COL28A1: variants seen among roughly 807,000 people sequenced by gnomAD.
COL28A1 encodes collagen alpha-1(XXVIII) chain.
COL28A1 carries 161 observed loss-of-function variants against 150.2 expected under a neutral mutation model. The observed-to-expected ratio is 1.07, with a 90% CI of 0.94 to 1.22. The LOEUF (loss-of-function observed/expected upper bound fraction) is 1.22. Among genes scored for constraint, COL28A1 ranks in the 50% most tolerant of loss-of-function variants. The pLI, the probability that COL28A1 is intolerant of heterozygous loss-of-function variation, is 0.00. For missense variants in COL28A1, 1,617 were observed against 1,388.3 expected, an observed-to-expected ratio of 1.16 and a Z score of -2.62; for synonymous variants, 552 against 469.7, an observed-to-expected ratio of 1.18 and a Z score of -2.26.
At chr7:7,416,278 A>T (rs764441609) in intron 27 of COL28A1, among the ~76,000 whole-genome samples, 3 of 152,192 alleles carry the variant, frequency 2.0e-5, no homozygotes, top group Non-Finnish European at 2.9e-5. Context: ...CCCAGGATGG[A>T]GTTTAGACAC....
intron 27 of COL28A1, among the ~76,000 whole-genome samples, chr7:7,395,323 C>A (rs886325152): frequency 1.3e-5 from 2 of 152,088 alleles, no homozygotes; most frequent in African/African-American, 4.8e-5. Context: ...AGCTGTGGTA[C>A]CTGAATGGGA....
chr7:7,514,672 C>T (rs2115165637), intron 8 of COL28A1, among the ~76,000 whole-genome samples: 1 of 152,266 alleles, frequency 6.6e-6, no homozygotes, highest in Admixed American at 6.5e-5. Flanking sequence ...AATATGTCTT[C>T]AAAAGGGATA....
Position 7,531,810 on chromosome 7 carries a change from G to T in COL28A1, c.219C>A (p.Ser73Arg). The change falls in exon 3 of 35, where the codon AGC (serine) becomes AGA (arginine). Residue 73 changes from serine to arginine, a missense_variant. Physicochemically the swap from Ser to Arg is moderately radical, Grantham distance 110. Transcript: ENST00000399429. ...LFDKQKDFVD[S>R]LSDKIFQLTP... ...TCAATTGGAAAATCTTGTCACTCAA[G>T]CTATCCACAAAATCTTTCTGTTTAT... 6.2e-7 allele frequency: 1 copy of T among 1,601,326 alleles called. No homozygotes were observed. The highest frequency in any genetic ancestry group is 8.6e-7 in the Non-Finnish European group (1 of 1,168,390).
intron 27 of COL28A1, among the ~76,000 whole-genome samples, chr7:7,413,075 TG>T (rs991439530): frequency 4.6e-5 from 7 of 152,216 alleles, no homozygotes; most frequent in African/African-American, 1.7e-4. Flanking sequence ...TCTCAGAGGT[TG>T]ATCTGTTAGG....
intron 21 of COL28A1, among the ~76,000 whole-genome samples, chr7:7,438,490 A>G (rs1785514135): frequency 6.6e-6 from 1 of 152,208 alleles, no homozygotes; most frequent in African/African-American, 2.4e-5. Context: ...CTGATTCAAT[A>G]GCTCTAGAGG....
At chr7:7,522,017 GCATTTCAAATTGTATTTCAAATA>G in intron 4 of COL28A1, 56 bp from the exon 5 acceptor site, 3 of 835,454 alleles carry the variant, frequency 3.6e-6, no homozygotes, top group South Asian at 1.3e-5. Flanking sequence ...ATTGTATGCA[GCATTTCAAATTGTATTTCAAATA>G]CATTTCAAAG....
chr7:7,477,220 G>C (rs537427236), intron 13 of COL28A1, 40 bp from the exon 14 acceptor site: 2 of 873,858 alleles, frequency 2.3e-6, no homozygotes, highest in Non-Finnish European at 4.0e-6. Flanking sequence ...GGAGGAGAGA[G>C]AAAAGGGAAA....
intron 3 of COL28A1, among the ~76,000 whole-genome samples, chr7:7,525,111 C>A (rs1781948556): frequency 6.6e-6 from 1 of 151,828 alleles, no homozygotes; most frequent in African/African-American, 2.4e-5. Context: ...TTATGAAAAA[C>A]AAAAAAACAA....
chr7:7,392,236 A>G (rs1277935831), intron 27 of COL28A1, among the ~76,000 whole-genome samples: 1 of 152,184 alleles, frequency 6.6e-6, no homozygotes, highest in African/African-American at 2.4e-5. Flanking sequence ...TTCACTTGTG[A>G]AGCTTAGTTT....
chr7:7,436,058 T>C (rs1199577962), intron 23 of COL28A1, among the ~76,000 whole-genome samples: 1 of 152,234 alleles, frequency 6.6e-6, no homozygotes. Flanking sequence ...ACACGCTTTT[T>C]TGGACAATGT....
intron 25 of COL28A1, among the ~76,000 whole-genome samples, chr7:7,421,057 TA>T (rs1350146422): frequency 6.6e-6 from 1 of 152,212 alleles, no homozygotes; most frequent in Non-Finnish European, 1.5e-5. Context: ...TTAGCAGCAT[TA>T]TACATAATCA....
At chr7:7,460,407 A>G (rs972037192) in intron 15 of COL28A1, among the ~76,000 whole-genome samples, 19 of 151,406 alleles carry the variant, frequency 1.3e-4, no homozygotes, top group African/African-American at 4.6e-4. Context: ...TTAGAGATGG[A>G]GTCTTGCTCT....
chr7:7,438,389 G>C (rs1785507307), intron 21 of COL28A1, among the ~76,000 whole-genome samples: 1 of 151,264 alleles, frequency 6.6e-6, no homozygotes, highest in African/African-American at 2.5e-5. Context: ...GTTCCATCTG[G>C]ATCTAGACAA....
chr7:7,358,787 G>T lies in COL28A1; in HGVS notation c.3224C>A (p.Ala1075Asp), dbSNP rs372179491. The change falls in exon 35 of 35, where the codon GCC (alanine) becomes GAC (aspartate). Residue 1075 changes from alanine (A) to aspartate (D), a missense_variant. Transcript: ENST00000399429. ...TTCACCACAGTTTCCAGGCTTCAAG[G>T]CTTCCAAACATCTAGGATCTAGAGT... ...DGAEDPRCLE[A>D]LKPGNCGEYV... The T allele has an allele frequency of 6.2e-7, 1 of 1,613,670 alleles. No homozygotes were observed. The highest frequency in any genetic ancestry group is 8.5e-7 in the Non-Finnish European group (1 of 1,179,806).
intron 11 of COL28A1, among the ~76,000 whole-genome samples, chr7:7,494,956 C>G (rs1233107329): frequency 2.6e-5 from 4 of 152,188 alleles, no homozygotes; most frequent in South Asian, 2.1e-4. Flanking sequence ...GAGCATGAGG[C>G]TTAAAATGGT....
intron 3 of COL28A1, among the ~76,000 whole-genome samples, chr7:7,529,112 G>A (rs1782195774): frequency 6.6e-6 from 1 of 151,514 alleles, no homozygotes; most frequent in African/African-American, 2.4e-5. Flanking sequence ...GAACAGCCTG[G>A]CCATCTCTAC....
chr7:7,447,812 G>C (rs1484742743), intron 18 of COL28A1, among the ~76,000 whole-genome samples: 1 of 152,028 alleles, frequency 6.6e-6, no homozygotes, highest in Non-Finnish European at 1.5e-5. Flanking sequence ...AGAGAAAAGA[G>C]ACTGAAAAAG....
intron 15 of COL28A1, among the ~76,000 whole-genome samples, chr7:7,471,141 A>AAAAAAAAAAAAAAAAAAAG: frequency 6.8e-6 from 1 of 147,306 alleles, no homozygotes; most frequent in South Asian, 2.1e-4. Flanking sequence ...AAAAAAAAAA[A>AAAAAAAAAAAAAAAAAAAG]AAAGAAAAGA....
chr7:7,339,672 T>C, the COL28A1 span, among the ~76,000 whole-genome samples: 3 of 152,276 alleles, frequency 2.0e-5, no homozygotes, highest in Non-Finnish European at 2.9e-5. Flanking sequence ...TTTTACAATC[T>C]GATTACTATT....
Sources: allele counts gnomAD v4.1 joint callset (sites outside exome capture counted in the v4.1 genomes callset), GRCh38; gene constraint gnomAD v4.1.1; transcripts MANE v1.5; gene names NCBI Gene and HGNC (gene_info 2026-07-23, HGNC 2026-07-21).